The following ADAMTS6 variants were observed in gnomAD, a reference collection of about 807,000 sequenced individuals.
The protein encoded by ADAMTS6 is ADAM metallopeptidase with thrombospondin type 1 motif 6.
A neutral mutation model predicts 144.3 loss-of-function variants in ADAMTS6; 23 were observed. That is an observed-to-expected ratio of 0.16 (90% CI 0.11 to 0.23). ADAMTS6 has a LOEUF of 0.23. ADAMTS6 is among the 10% of genes least tolerant of loss of function. The probability of loss-of-function intolerance (pLI) is 1.00; values close to 1 mark genes in which losing one functional copy is unlikely to be tolerated. For synonymous variants in ADAMTS6, 444 were observed against 457.5 expected, an observed-to-expected ratio of 0.97 and a Z score of 0.38; for missense variants, 999 against 1,379.6, an observed-to-expected ratio of 0.72 and a Z score of 4.37.
At chr5:65,275,290 AAGTT>A (rs1227916231) in intron 11 of ADAMTS6, among the ~76,000 whole-genome samples, 2 of 146,590 alleles carry the variant, frequency 1.4e-5, no homozygotes, top group Non-Finnish European at 3.0e-5. Flanking sequence ...GGAAGGAAGG[AAGTT>A]AGGAGGGAAG....
chr5:65,273,220 T>C, intron 12 of ADAMTS6, 120 bp downstream of exon 12: 1 of 828,112 alleles, frequency 1.2e-6, no homozygotes, highest in Non-Finnish European at 2.0e-6. Context: ...GTTCTAGGAA[T>C]TAATTATTTT....
intron 22 of ADAMTS6, among the ~76,000 whole-genome samples, chr5:65,181,935 C>T (rs559020642): frequency 3.3e-5 from 5 of 152,304 alleles, no homozygotes; most frequent in South Asian, 2.1e-4. Context: ...CTGGGACATA[C>T]ATCTCTTGTT....
At chr5:65,163,215 G>T (rs1752898046) in intron 24 of ADAMTS6, among the ~76,000 whole-genome samples, 1 of 151,834 alleles carries the variant, frequency 6.6e-6, no homozygotes, top group Non-Finnish European at 1.5e-5. Flanking sequence ...CCAGCTAAGA[G>T]ATTTTTTTTT....
chr5:65,299,937 T>C, intron 10 of ADAMTS6, 48 bp downstream of exon 10: 1 of 1,577,924 alleles, frequency 6.3e-7, no homozygotes, highest in Admixed American at 1.8e-5. Context: ...CTTCTACCAG[T>C]GGCTTACTTC....
intron 7 of ADAMTS6, chr5:65,415,805 T>A: frequency 3.9e-6 from 1 of 259,124 alleles, no homozygotes; most frequent in Non-Finnish European, 7.6e-6. Flanking sequence ...CACGAGGCCA[T>A]CATCCCAGCC....
chr5:65,398,834 AAGAAAGAAAG>A (rs1328306463), intron 7 of ADAMTS6, among the ~76,000 whole-genome samples: 1 of 141,266 alleles, frequency 7.1e-6, no homozygotes, highest in Non-Finnish European at 1.5e-5. Context: ...GAAAGAAAGA[AAGAAAGAAAG>A]AAAGAAAAAG....
intron 9 of ADAMTS6, among the ~76,000 whole-genome samples, chr5:65,326,278 T>C (rs1441360080): frequency 6.6e-6 from 1 of 152,202 alleles, no homozygotes; most frequent in African/African-American, 2.4e-5. Flanking sequence ...TTAAAATCTT[T>C]CAAAGAACAT....
chr5:65,173,984 T>A (rs1338047463), intron 22 of ADAMTS6, among the ~76,000 whole-genome samples: 1 of 148,386 alleles, frequency 6.7e-6, no homozygotes, highest in Non-Finnish European at 1.5e-5. Flanking sequence ...ATTGCACCAC[T>A]GCACTCCAGC....
At chr5:65,409,520 A>G (rs1328461764) in intron 7 of ADAMTS6, among the ~76,000 whole-genome samples, 3 of 152,126 alleles carry the variant, frequency 2.0e-5, no homozygotes, top group African/African-American at 4.8e-5. Flanking sequence ...CCTACCAACC[A>G]AAAAAAGTCC....
intron 20 of ADAMTS6, among the ~76,000 whole-genome samples, chr5:65,202,256 C>T (rs1755786124): frequency 6.6e-6 from 1 of 152,106 alleles, no homozygotes; most frequent in African/African-American, 2.4e-5. Context: ...CCTAAGTAAA[C>T]AAAGGATGAT....
chr5:65,322,352 C>A (rs1359266136), intron 9 of ADAMTS6, among the ~76,000 whole-genome samples: 1 of 152,130 alleles, frequency 6.6e-6, no homozygotes. Context: ...GCTATTTATT[C>A]AGGCTCCATT....
intron 7 of ADAMTS6, among the ~76,000 whole-genome samples, chr5:65,413,849 C>T (rs1755266829): frequency 6.6e-6 from 1 of 152,102 alleles, no homozygotes; most frequent in African/African-American, 2.4e-5. Context: ...TTTGCCCCCA[C>T]TACACCAGAA....
intron 11 of ADAMTS6, among the ~76,000 whole-genome samples, chr5:65,286,671 C>G (rs1345948960): frequency 6.6e-6 from 1 of 152,022 alleles, no homozygotes; most frequent in Non-Finnish European, 1.5e-5. Flanking sequence ...TATACTGAAC[C>G]ATTAAGTGTA....
intron 22 of ADAMTS6, among the ~76,000 whole-genome samples, chr5:65,186,968 T>A (rs1026099059): frequency 2.0e-5 from 3 of 152,182 alleles, no homozygotes; most frequent in African/African-American, 7.2e-5. Flanking sequence ...CACAGGGGAA[T>A]AGTAACATCC....
chr5:65,453,028 C>A (rs887708764), intron 4 of ADAMTS6, 110 bp from the exon 5 acceptor site: 2 of 819,304 alleles, frequency 2.4e-6, no homozygotes, highest in African/African-American at 1.7e-5. Context: ...TAAGATTTTT[C>A]AAAGAGAAGA....
chr5:65,383,486 T>C (rs1752214971), intron 7 of ADAMTS6, among the ~76,000 whole-genome samples: 1 of 152,054 alleles, frequency 6.6e-6, no homozygotes, highest in Non-Finnish European at 1.5e-5. Flanking sequence ...GCAAACAACA[T>C]TGAATCTTAA....
chr5:65,297,869 T>C (rs924787597), intron 10 of ADAMTS6, among the ~76,000 whole-genome samples: 4 of 152,156 alleles, frequency 2.6e-5, no homozygotes, highest in African/African-American at 9.7e-5. Flanking sequence ...TATCTTTCAT[T>C]AATAGTTTTA....
chr5:65,396,435 CAG>C (rs1753345793), intron 7 of ADAMTS6, among the ~76,000 whole-genome samples: 1 of 152,158 alleles, frequency 6.6e-6, no homozygotes, highest in Non-Finnish European at 1.5e-5. Context: ...TTGAAACAGA[CAG>C]ATATTTTCTG....
At chr5:65,274,230 A>T (rs1762276291) in intron 11 of ADAMTS6, among the ~76,000 whole-genome samples, 1 of 152,186 alleles carries the variant, frequency 6.6e-6, no homozygotes, top group East Asian at 1.9e-4. Context: ...ATTTTAAAAT[A>T]AGCCGTTCAA....
Sources: gnomAD v4.1 joint callset for allele counts (sites outside exome capture counted in the v4.1 genomes callset) on GRCh38, gnomAD v4.1.1 for gene constraint, MANE v1.5 for transcripts, NCBI Gene and HGNC (gene_info 2026-07-23, HGNC 2026-07-21) for gene names.